Variants in LIPI observed in about 807,000 individuals in gnomAD.
The protein encoded by LIPI is lipase I.
A neutral mutation model predicts 50.6 loss-of-function variants in LIPI; 59 were observed. The ratio of observed to expected loss-of-function variants is 1.16; its 90% CI spans 0.94 to 1.45. The LOEUF is 1.45. LIPI is among the 40% of genes most tolerant of loss of function. The pLI, the probability that LIPI is intolerant of heterozygous loss-of-function variation, is 0.00. For synonymous variants in LIPI, 203 were observed against 178.2 expected, an observed-to-expected ratio of 1.14 and a Z score of -1.11; for missense variants, 586 against 536.3, an observed-to-expected ratio of 1.09 and a Z score of -0.92.
intron 7 of LIPI, among the ~76,000 whole-genome samples, chr21:14,154,684 G>C (rs1469359433): frequency 6.6e-6 from 1 of 152,004 alleles, no homozygotes; most frequent in African/African-American, 2.4e-5. Context: ...TGATAAAATA[G>C]TCTGTGAAGC....
At chr21:14,158,924 A>G (rs1179843681) in intron 7 of LIPI, among the ~76,000 whole-genome samples, 1 of 151,370 alleles carries the variant, frequency 6.6e-6, no homozygotes, top group East Asian at 1.9e-4. Context: ...CAAACTACAA[A>G]ACCTCAACCA....
intron 1 of LIPI, among the ~76,000 whole-genome samples, chr21:14,195,385 TG>T (rs1385832512): frequency 1.3e-5 from 2 of 151,280 alleles, no homozygotes; most frequent in African/African-American, 4.9e-5. Flanking sequence ...CCTTAATAAA[TG>T]CAGGGACATT....
Position 14,209,188 on chromosome 21 carries a change from T to C in LIPI, c.46+1612A>G, listed in dbSNP as rs145406917. Reference sequence around the variant, plus strand: ...CATATAATTTGAATATACAGATACATAGATGTACTGTATATCTGTATAAAG... The same window carrying C: ...CATATAATTTGAATATACAGATACACAGATGTACTGTATATCTGTATAAAG... On this transcript the variant is annotated intron_variant, in intron 1 of 9. Transcript: ENST00000681601. Among the ~76,000 whole-genome samples, 1,381 of 152,328 alleles carry C rather than the reference T, an allele frequency of 9.1e-3. 15 individuals carry two copies. Among genetic ancestry groups the C allele is most frequent in the African/African-American group, 0.031 (1,276 of 41,582 alleles).
intron 9 of LIPI, among the ~76,000 whole-genome samples, chr21:14,111,855 T>TCA (rs1293335613): frequency 5.3e-5 from 2 of 37,808 alleles, no homozygotes; most frequent in Admixed American, 2.9e-4. Context: ...TTTGTTTTGT[T>TCA]TTTTTAAAAT....
At chr21:14,207,736 A>G (rs1341792187) in intron 1 of LIPI, among the ~76,000 whole-genome samples, 2 of 152,224 alleles carry the variant, frequency 1.3e-5, no homozygotes, top group African/African-American at 2.4e-5. Context: ...CATGAAGCAC[A>G]CACGGAGAAG....
Position 14,165,221 on chromosome 21 carries a change from A to G in LIPI, c.901+2T>C, listed in dbSNP as rs770611225. On this transcript the variant is annotated splice_donor_variant, in intron 6 of 9. Transcript: ENST00000681601. LOFTEE classifies it high-confidence loss of function. ...GATAGTAACTATAATAATCTCTCTT[A>G]CCCAGCCGAGGACATGATTTTTCCT... The G allele has an allele frequency of 1.3e-6, 2 of 1,598,196 alleles. No homozygotes were observed. Among genetic ancestry groups the G allele is most frequent in the Non-Finnish European group, 1.7e-6 (2 of 1,166,080 alleles).
At chr21:14,185,465 G>GT (rs1227037520) in intron 3 of LIPI, among the ~76,000 whole-genome samples, 1 of 152,110 alleles carries the variant, frequency 6.6e-6, no homozygotes, top group Non-Finnish European at 1.5e-5. Flanking sequence ...CTTAAGCTCT[G>GT]TTGAGAACTT....
At chr21:14,201,301 A>G (rs2020044065) in intron 1 of LIPI, among the ~76,000 whole-genome samples, 1 of 152,178 alleles carries the variant, frequency 6.6e-6, no homozygotes, top group Admixed American at 6.6e-5. Flanking sequence ...CAACAAAAGT[A>G]ACTATCAACA....
chr21:14,163,229 T>C (rs1313009447), intron 7 of LIPI, among the ~76,000 whole-genome samples, 190 bp downstream of exon 7: 3 of 151,828 alleles, frequency 2.0e-5, no homozygotes, highest in Non-Finnish European at 4.4e-5. Flanking sequence ...TACCCAAGCG[T>C]CTCTCCATTT....
At chr21:14,191,663 T>C (rs1237994527) in intron 1 of LIPI, among the ~76,000 whole-genome samples, 1 of 152,202 alleles carries the variant, frequency 6.6e-6, no homozygotes, top group Admixed American at 6.5e-5. Context: ...CACCACTCCC[T>C]GAATCCATCT....
At chr21:14,183,202 C>T (rs1467267625) in intron 3 of LIPI, among the ~76,000 whole-genome samples, 6 of 151,822 alleles carry the variant, frequency 4.0e-5, no homozygotes, top group African/African-American at 1.5e-4. Context: ...TTTGACAAAC[C>T]TGAGAAAAAC....
intron 8 of LIPI, among the ~76,000 whole-genome samples, chr21:14,148,783 A>AT (rs2017991774): frequency 1.3e-5 from 2 of 152,220 alleles, no homozygotes; most frequent in African/African-American, 2.4e-5. Flanking sequence ...CTGTATTAGC[A>AT]AATAATTATT....
At chr21:14,114,199 G>C (rs999477987) in intron 9 of LIPI, among the ~76,000 whole-genome samples, 1 of 150,012 alleles carries the variant, frequency 6.7e-6, no homozygotes, top group Non-Finnish European at 1.5e-5. Flanking sequence ...AAAAAGTTCT[G>C]ATCTCATGGG....
intron 2 of LIPI, among the ~76,000 whole-genome samples, chr21:14,186,624 T>A (rs1600916471): frequency 6.6e-6 from 1 of 152,174 alleles, no homozygotes; most frequent in East Asian, 1.9e-4. Flanking sequence ...GGTCTGAATG[T>A]TTGTGTCTCC....
chr21:14,124,474 A>C (rs2123350689), intron 9 of LIPI, among the ~76,000 whole-genome samples: 1 of 152,266 alleles, frequency 6.6e-6, no homozygotes, highest in East Asian at 1.9e-4. Flanking sequence ...AGCGAGCCTT[A>C]TCTGTACTTG....
chr21:14,208,854 C>A (rs2020292608), intron 1 of LIPI, among the ~76,000 whole-genome samples: 1 of 152,112 alleles, frequency 6.6e-6, no homozygotes, highest in Non-Finnish European at 1.5e-5. Flanking sequence ...GAGTTGGAGA[C>A]CAGCCTGGGT....
intron 1 of LIPI, among the ~76,000 whole-genome samples, chr21:14,206,174 CAG>C (rs1394496643): frequency 6.6e-6 from 1 of 152,198 alleles, no homozygotes; most frequent in Middle Eastern, 3.4e-3. Context: ...GAGATTAAAA[CAG>C]ACAGTCCAGA....
chr21:14,164,615 G>T (rs2018610780), intron 6 of LIPI, among the ~76,000 whole-genome samples: 1 of 152,052 alleles, frequency 6.6e-6, no homozygotes, highest in Non-Finnish European at 1.5e-5. Flanking sequence ...TGCTCTTTTT[G>T]AAAAACCCTG....
At chr21:14,205,062 G>A (rs2020187724) in intron 1 of LIPI, among the ~76,000 whole-genome samples, 1 of 151,568 alleles carries the variant, frequency 6.6e-6, no homozygotes, top group Non-Finnish European at 1.5e-5. Flanking sequence ...TACTATAGTT[G>A]AACACCAGGT....
Sources: allele counts gnomAD v4.1 joint callset (sites outside exome capture counted in the v4.1 genomes callset), GRCh38; gene constraint gnomAD v4.1.1; transcripts MANE v1.5; gene names NCBI Gene and HGNC (gene_info 2026-07-23, HGNC 2026-07-21).